The following TMEM178B variants were observed in gnomAD, a reference collection of about 807,000 sequenced individuals.
TMEM178B encodes the protein transmembrane protein 178B.
TMEM178B carries 5 observed loss-of-function variants against 31.0 expected under a neutral mutation model. The observed-to-expected ratio is 0.16, with a 90% CI of 0.08 to 0.34. TMEM178B has a LOEUF of 0.34. Among genes scored for constraint, TMEM178B ranks in the 10% least tolerant of loss-of-function variants. TMEM178B has a pLI of 1.00. For missense variants in TMEM178B, 275 were observed against 400.3 expected (o/e 0.69, Z 2.67); for synonymous variants, 164 against 164.0 (o/e 1.00, Z 0.00).
chr7:141,311,931 A>G (rs1798916683), intron 2 of TMEM178B, among the ~76,000 whole-genome samples: 2 of 152,344 alleles, frequency 1.3e-5, no homozygotes, highest in South Asian at 2.1e-4. Flanking sequence ...GGACAGAGTC[A>G]AGGGATGCAT....
chr7:141,399,177 G>A (rs977612431), intron 2 of TMEM178B, among the ~76,000 whole-genome samples: 1 of 152,138 alleles, frequency 6.6e-6, no homozygotes, highest in African/African-American at 2.4e-5. Flanking sequence ...ATCTTCAGAT[G>A]CCTATCACAC....
At chr7:141,327,334 G>C (rs1799210164) in intron 2 of TMEM178B, among the ~76,000 whole-genome samples, 1 of 152,148 alleles carries the variant, frequency 6.6e-6, no homozygotes, top group Non-Finnish European at 1.5e-5. Flanking sequence ...TTCTGGAGCA[G>C]TTTTAGTTTC....
intron 1 of TMEM178B, among the ~76,000 whole-genome samples, chr7:141,174,200 A>G (rs1344048596): frequency 6.6e-6 from 1 of 152,010 alleles, no homozygotes; most frequent in African/African-American, 2.4e-5. Flanking sequence ...CTTACGAGTG[A>G]GAACATGTGG....
intron 2 of TMEM178B, among the ~76,000 whole-genome samples, chr7:141,271,410 CT>C (rs1387697179): frequency 1.3e-5 from 2 of 152,182 alleles, no homozygotes; most frequent in Non-Finnish European, 2.9e-5. Flanking sequence ...CTCTTAGGAG[CT>C]TTTTGGTCTA....
chr7:141,277,246 TTTTC>T (rs1199151904), intron 2 of TMEM178B, among the ~76,000 whole-genome samples: 1 of 152,240 alleles, frequency 6.6e-6, no homozygotes, highest in Admixed American at 6.5e-5. Flanking sequence ...GTATAAAATA[TTTTC>T]TTTCTTTGTA....
At chr7:141,392,892 A>T (rs1449081858) in intron 2 of TMEM178B, among the ~76,000 whole-genome samples, 1 of 151,640 alleles carries the variant, frequency 6.6e-6, no homozygotes, top group Non-Finnish European at 1.5e-5. Flanking sequence ...GTAGGTTCTA[A>T]TGGGGCTTTC....
chr7:141,368,615 G>A (rs1277222559), intron 2 of TMEM178B, among the ~76,000 whole-genome samples: 2 of 152,188 alleles, frequency 1.3e-5, no homozygotes, highest in Non-Finnish European at 2.9e-5. Flanking sequence ...TCCATGCTCA[G>A]TGTGTACATT....
chr7:141,163,733 T>C (rs563088475), intron 1 of TMEM178B, among the ~76,000 whole-genome samples: 1 of 152,214 alleles, frequency 6.6e-6, no homozygotes, highest in African/African-American at 2.4e-5. Flanking sequence ...AGGCTGGCTT[T>C]GAACTTCTGA....
chr7:141,124,083 C>G (rs1795451040), intron 1 of TMEM178B, among the ~76,000 whole-genome samples: 1 of 151,656 alleles, frequency 6.6e-6, no homozygotes, highest in South Asian at 2.1e-4. Flanking sequence ...AGGTTTCAAA[C>G]AGGCTGGGTG....
chr7:141,411,146 A>G (rs1001324335), intron 2 of TMEM178B, among the ~76,000 whole-genome samples: 1 of 149,864 alleles, frequency 6.7e-6, no homozygotes. Context: ...AATGCCTAAT[A>G]TGAGTGGTTG....
intron 1 of TMEM178B, among the ~76,000 whole-genome samples, chr7:141,158,967 A>G (rs991101967): frequency 2.0e-5 from 3 of 152,160 alleles, no homozygotes; most frequent in African/African-American, 7.2e-5. Flanking sequence ...AAGGGAAATG[A>G]GGAAGAGGTT....
intron 2 of TMEM178B, among the ~76,000 whole-genome samples, chr7:141,279,514 A>G (rs140513861): frequency 1.8e-4 from 27 of 152,346 alleles, no homozygotes; most frequent in African/African-American, 6.3e-4. Flanking sequence ...CAGACTGTAA[A>G]TAAGAAGAGG....
chr7:141,084,398 A>G (rs1794743593), intron 1 of TMEM178B, among the ~76,000 whole-genome samples: 1 of 152,266 alleles, frequency 6.6e-6, no homozygotes, highest in South Asian at 2.1e-4. Context: ...AATGCCAGGC[A>G]CATTACTTGA....
chr7:141,307,277 A>C (rs1798830467), intron 2 of TMEM178B, among the ~76,000 whole-genome samples: 1 of 152,212 alleles, frequency 6.6e-6, no homozygotes, highest in Non-Finnish European at 1.5e-5. Context: ...TTTTGTTTTA[A>C]AAATGGAAAA....
At chr7:141,201,005 A>T (rs923439759) in intron 1 of TMEM178B, among the ~76,000 whole-genome samples, 1 of 152,172 alleles carries the variant, frequency 6.6e-6, no homozygotes, top group African/African-American at 2.4e-5. Flanking sequence ...TCACGATCCA[A>T]AATTTTTTTC....
intron 2 of TMEM178B, among the ~76,000 whole-genome samples, chr7:141,346,399 A>G (rs958843187): frequency 6.6e-6 from 1 of 152,228 alleles, no homozygotes; most frequent in African/African-American, 2.4e-5. Flanking sequence ...TGATGTTATC[A>G]CCAGACTTCC....
At chr7:141,209,714 C>T (rs904817232) in intron 1 of TMEM178B, among the ~76,000 whole-genome samples, 3 of 152,160 alleles carry the variant, frequency 2.0e-5, no homozygotes, top group Admixed American at 1.3e-4. Flanking sequence ...GCTGGTGGAA[C>T]GCCTGCTGCT....
intron 1 of TMEM178B, among the ~76,000 whole-genome samples, chr7:141,156,015 A>T (rs560559997): frequency 8.5e-5 from 13 of 152,288 alleles, no homozygotes; most frequent in African/African-American, 3.1e-4. Context: ...CAGTGAGCCG[A>T]GATCGTACCA....
chr7:141,131,755 A>G (rs1000309271), intron 1 of TMEM178B, among the ~76,000 whole-genome samples: 3 of 152,088 alleles, frequency 2.0e-5, no homozygotes, highest in Non-Finnish European at 4.4e-5. Context: ...TACATTTGCT[A>G]TGAACATTTT....
Sources: gnomAD v4.1 joint callset for allele counts (sites outside exome capture counted in the v4.1 genomes callset) on GRCh38, gnomAD v4.1.1 for gene constraint, MANE v1.5 for transcripts, NCBI Gene and HGNC (gene_info 2026-07-23, HGNC 2026-07-21) for gene names.